Variants in SKAP2 observed in about 807,000 individuals in gnomAD.
The protein encoded by SKAP2 is src kinase-associated phosphoprotein 2.
In SKAP2, 28 loss-of-function variants were observed where a neutral mutation model predicts 54.9. The ratio of observed to expected loss-of-function variants is 0.51; its 90% CI spans 0.38 to 0.70. The LOEUF (loss-of-function observed/expected upper bound fraction) is 0.70, where lower values mean the gene tolerates loss of function less well. Among genes scored for constraint, SKAP2 ranks in the 30% least tolerant of loss-of-function variants. The pLI is 0.00. For synonymous variants in SKAP2, 137 were observed against 134.3 expected, an observed-to-expected ratio of 1.02 and a Z score of -0.14; for missense variants, 356 against 424.1, an observed-to-expected ratio of 0.84 and a Z score of 1.41.
intron 9 of SKAP2, among the ~76,000 whole-genome samples, chr7:26,720,524 A>G (rs1201281966): frequency 1.3e-4 from 20 of 152,142 alleles, no homozygotes; most frequent in Non-Finnish European, 2.9e-5. Context: ...TAACCCTCTA[A>G]GCAGATTTTA....
intron 11 of SKAP2, among the ~76,000 whole-genome samples, chr7:26,682,592 A>T (rs1786528568): frequency 6.6e-6 from 1 of 152,172 alleles, no homozygotes; most frequent in Non-Finnish European, 1.5e-5. Context: ...CCCCAGGTAA[A>T]TTACACATCT....
chr7:26,707,472 T>G (rs1434451872), intron 9 of SKAP2, among the ~76,000 whole-genome samples: 1 of 152,202 alleles, frequency 6.6e-6, no homozygotes, highest in Non-Finnish European at 1.5e-5. Context: ...ACACAAAATT[T>G]TGTTTGACTT....
intron 4 of SKAP2, among the ~76,000 whole-genome samples, chr7:26,781,754 C>T (rs369110437): frequency 2.0e-5 from 3 of 152,174 alleles, no homozygotes; most frequent in South Asian, 2.1e-4. Flanking sequence ...GGATTGCCAT[C>T]ACTTCTGTCT....
intron 4 of SKAP2, among the ~76,000 whole-genome samples, chr7:26,838,126 G>A (rs775936951): frequency 6.6e-6 from 1 of 152,040 alleles, no homozygotes; most frequent in African/African-American, 2.4e-5. Flanking sequence ...TGGTCTCTAC[G>A]CCTTCATTTA....
chr7:26,725,798 A>G (rs1194822957), intron 8 of SKAP2, 125 bp downstream of exon 8: 2 of 856,118 alleles, frequency 2.3e-6, no homozygotes, highest in South Asian at 1.5e-5. Flanking sequence ...GTCTGTATTA[A>G]TAACAGTCAC....
chr7:26,847,419 G>T (rs1784947059), intron 3 of SKAP2, among the ~76,000 whole-genome samples: 1 of 151,700 alleles, frequency 6.6e-6, no homozygotes, highest in Admixed American at 6.6e-5. Flanking sequence ...GAACGCAGGG[G>T]TTACTGTTGA....
downstream of SKAP2, among the ~76,000 whole-genome samples, chr7:26,664,279 T>C (rs1392314499): frequency 2.0e-5 from 3 of 152,144 alleles, no homozygotes; most frequent in Non-Finnish European, 4.4e-5. Context: ...AGGGTTGTTA[T>C]AAGAATTGAA....
At chr7:26,686,815 C>G (rs572128539) in intron 10 of SKAP2, among the ~76,000 whole-genome samples, 1 of 152,190 alleles carries the variant, frequency 6.6e-6, no homozygotes, top group Admixed American at 6.5e-5. Flanking sequence ...CCTTCCCCCA[C>G]AGTAACATGC....
chr7:26,714,782 T>C (rs1366697262), intron 9 of SKAP2, among the ~76,000 whole-genome samples: 1 of 152,174 alleles, frequency 6.6e-6, no homozygotes, highest in African/African-American at 2.4e-5. Context: ...TTTTCTGGGA[T>C]TAAAGAAGCA....
chr7:26,838,665 G>A (rs1393938199), intron 4 of SKAP2, among the ~76,000 whole-genome samples: 2 of 152,084 alleles, frequency 1.3e-5, no homozygotes, highest in African/African-American at 4.8e-5. Flanking sequence ...CAATCTCTTA[G>A]AATTTAGGCA....
intron 4 of SKAP2, among the ~76,000 whole-genome samples, chr7:26,823,445 A>AC (rs1554304070): frequency 5.4e-5 from 8 of 149,508 alleles, no homozygotes; most frequent in Admixed American, 2.7e-4. Flanking sequence ...AAAAAAAAAA[A>AC]CAAGCAAAAA....
At chr7:26,729,735 T>A (rs570936105) in intron 6 of SKAP2, among the ~76,000 whole-genome samples, 24 of 152,106 alleles carry the variant, frequency 1.6e-4, no homozygotes, top group African/African-American at 5.8e-4. Context: ...AAAGGGAGTA[T>A]GATAAATATG....
chr7:26,796,332 GTGACACTAAT>G (rs11277791), intron 4 of SKAP2, among the ~76,000 whole-genome samples: 50,654 of 151,978 alleles, frequency 0.33, 8,618 homozygotes, highest in Middle Eastern at 0.37. Context: ...AAAACGCTAT[GTGACACTAAT>G]TGACACTAAT....
chr7:26,831,635 C>T (rs1037892728), intron 4 of SKAP2, among the ~76,000 whole-genome samples: 2 of 152,066 alleles, frequency 1.3e-5, no homozygotes, highest in Non-Finnish European at 2.9e-5. Flanking sequence ...CCTACTCAAT[C>T]CTAAGAATAA....
chr7:26,840,022 A>G (rs1461496627), intron 4 of SKAP2, among the ~76,000 whole-genome samples: 1 of 152,088 alleles, frequency 6.6e-6, no homozygotes, highest in Non-Finnish European at 1.5e-5. Flanking sequence ...TTATGATAAT[A>G]GTTCAGCCTT....
chr7:26,835,086 G>A (rs1173976870), intron 4 of SKAP2, among the ~76,000 whole-genome samples: 2 of 152,036 alleles, frequency 1.3e-5, no homozygotes, highest in Non-Finnish European at 2.9e-5. Flanking sequence ...CAGAACTAAT[G>A]ACAAAAACCA....
At chr7:26,782,090 A>AT (rs1416054783) in intron 4 of SKAP2, among the ~76,000 whole-genome samples, 1 of 152,196 alleles carries the variant, frequency 6.6e-6, no homozygotes, top group Non-Finnish European at 1.5e-5. Context: ...CAGGGGCAGG[A>AT]TTGATGGATT....
chr7:26,796,572 T>G (rs1002302820), intron 4 of SKAP2, among the ~76,000 whole-genome samples: 1 of 152,246 alleles, frequency 6.6e-6, no homozygotes, highest in South Asian at 2.1e-4. Flanking sequence ...TTGCTTGATA[T>G]GTACCATAGA....
intron 4 of SKAP2, among the ~76,000 whole-genome samples, chr7:26,791,573 A>G (rs1198656305): frequency 6.6e-6 from 1 of 152,210 alleles, no homozygotes; most frequent in African/African-American, 2.4e-5. Context: ...TTGACTAACA[A>G]TTAGGTAACT....
Sources: allele counts gnomAD v4.1 joint callset (sites outside exome capture counted in the v4.1 genomes callset), GRCh38; gene constraint gnomAD v4.1.1; transcripts MANE v1.5; gene names NCBI Gene and HGNC (gene_info 2026-07-23, HGNC 2026-07-21).